Variants in CAPN13 observed in about 807,000 individuals in gnomAD.
The protein encoded by CAPN13 is calpain 13.
A neutral mutation model predicts 98.4 loss-of-function variants in CAPN13; 90 were observed. The observed-to-expected ratio is 0.92, with a 90% CI of 0.77 to 1.09. The LOEUF (loss-of-function observed/expected upper bound fraction) is 1.09. Ranked by LOEUF, CAPN13 falls within the 50% of genes least tolerant of loss-of-function variation. The pLI, the probability that CAPN13 is intolerant of heterozygous loss-of-function variation, is 0.00. For missense variants in CAPN13, 887 were observed against 841.3 expected (o/e 1.05, Z -0.67); for synonymous variants, 330 against 305.5 (o/e 1.08, Z -0.84).
At position 30,771,428 on chromosome 2, in the gene CAPN13, G is replaced by T. The variant is rs184804058; in HGVS notation, c.388-979C>A. On this transcript the variant is annotated intron_variant, in intron 4 of 22. Coordinates refer to ENST00000295055, the MANE Select transcript of CAPN13 (RefSeq NM_144575.3). ...CAGCCGAGGATGCAATTTCAGAGCA[G>T]AGATGGAGATTGAGACAGATATGTC... is the stretch of plus-strand genomic sequence containing the variant. 3.3e-5 allele frequency among the ~76,000 whole-genome samples: 5 copies of T among 152,346 alleles called. No homozygotes were observed. The East Asian group carries it at 9.6e-4, about 29-fold the overall frequency.
At chr2:30,764,454 G>A (rs1384208463) in intron 5 of CAPN13, 148 bp from the exon 6 acceptor site, 2 of 810,996 alleles carry the variant, frequency 2.5e-6, no homozygotes, top group South Asian at 3.5e-5. Context: ...CCTTTGCCTG[G>A]ATGGAGATTC....
At chr2:30,789,061 T>A (rs921350326) in intron 1 of CAPN13, among the ~76,000 whole-genome samples, 5 of 152,110 alleles carry the variant, frequency 3.3e-5, no homozygotes, top group African/African-American at 1.2e-4. Flanking sequence ...TTCAATTGAG[T>A]TCTTATAGAA....
At position 30,763,142 on chromosome 2, in the gene CAPN13, T is replaced by C. The variant is rs1262802243; in HGVS notation, c.714A>G (p.Ala238=). ...TCACCAGCCCATTCTCCATCGCCTG[T>C]GCTGTATCTGTTGGCTTCAAGGCAG... ...CATPSGPTDT[A]QAMENGLVSL... The change falls in exon 7 of 23, where the codon GCA becomes GCG. Residue 238 remains alanine (A), a synonymous_variant. Transcript: ENST00000295055. 1.2e-6 allele frequency: 2 copies of C among 1,611,272 alleles called. No individual in the cohort carries two copies. Among genetic ancestry groups the C allele is most frequent in the Admixed American group, 1.7e-5 (1 of 59,800 alleles).
chr2:30,788,454 G>C (rs1420007254), intron 1 of CAPN13, among the ~76,000 whole-genome samples: 1 of 152,172 alleles, frequency 6.6e-6, no homozygotes, highest in Non-Finnish European at 1.5e-5. Flanking sequence ...CATCTGTGAG[G>C]CTGGCCTGGA....
intron 1 of CAPN13, among the ~76,000 whole-genome samples, chr2:30,804,978 G>A (rs1317937936): frequency 6.6e-6 from 1 of 152,184 alleles, no homozygotes; most frequent in Non-Finnish European, 1.5e-5. Context: ...TGCCATCTCA[G>A]GTTCTCTTAG....
At chr2:30,755,726 G>C (rs559975686) in intron 8 of CAPN13, among the ~76,000 whole-genome samples, 2 of 152,312 alleles carry the variant, frequency 1.3e-5, no homozygotes, top group South Asian at 2.1e-4. Flanking sequence ...CAAGGCAGGG[G>C]CCACCACTCA....
At chr2:30,799,972 A>G (rs1215675911) in intron 1 of CAPN13, among the ~76,000 whole-genome samples, 2 of 151,752 alleles carry the variant, frequency 1.3e-5, no homozygotes, top group African/African-American at 2.4e-5. Context: ...TACTCGGGAG[A>G]CTGAGGCAGG....
At chr2:30,784,453 TGTACTCATTTAGTACTTA>T in intron 2 of CAPN13, among the ~76,000 whole-genome samples, 1 of 152,334 alleles carries the variant, frequency 6.6e-6, no homozygotes, top group East Asian at 1.9e-4. Context: ...TTCTAAGTAT[TGTACTCATTTAGTACTTA>T]AAGTAATCAT....
In CAPN13 at chr2:30,731,381, G is replaced by C. The variant is rs1270125438; in HGVS notation, c.1946C>G (p.Ser649Cys). 1 of 1,611,096 alleles carries C rather than the reference G, an allele frequency of 6.2e-7. No individual in the cohort carries two copies. Among genetic ancestry groups the C allele is most frequent in the Non-Finnish European group, 8.5e-7 (1 of 1,178,580 alleles). The change falls in exon 21 of 23, where the codon TCT (serine) becomes TGT (cysteine). Residue 649 changes from serine to cysteine, a missense_variant. By Grantham distance (112) the Ser-to-Cys change is moderately radical. Transcript: ENST00000295055. Reference protein sequence around the residue: ...EAMAKTFRNLSKDGKGLYLTE... With the variant: ...EAMAKTFRNLCKDGKGLYLTE... ...CAGGTAGAGTCCTTTTCCATCCTTA[G>C]AGAGGTTGCGGAAGGTCTCTAGGAT...
In CAPN13 at chr2:30,802,552, G is replaced by C. The variant is rs867097632; in HGVS notation, c.-33+4750C>G. 5.9e-3 allele frequency among the ~76,000 whole-genome samples: 880 copies of C among 149,594 alleles called. 12 individuals are homozygous for C. The highest frequency in any genetic ancestry group is 0.021 in the African/African-American group (823 of 40,138). ...CAGAGAAAGGCAGGCTGGGGGGGGG[G>C]GGTGGTGGTTAGACCTCTGAGGTTT... On this transcript the variant is annotated intron_variant, in intron 1 of 22. Coordinates refer to ENST00000295055, the MANE Select transcript of CAPN13 (RefSeq NM_144575.3).
rs113891539 is a variant in CAPN13, at chr2:30,743,521, C to T, written c.1307G>A (p.Ser436Asn). The T allele has an allele frequency of 2.5e-6, 4 of 1,613,896 alleles. No individual in the cohort carries two copies. Among genetic ancestry groups the T allele is most frequent in the Non-Finnish European group, 3.4e-6 (4 of 1,179,876 alleles). The change falls in exon 13 of 23, where the codon AGC (serine) becomes AAC (asparagine). Residue 436 changes from serine to asparagine, a missense_variant. Physicochemically the swap from Ser to Asn is conservative, Grantham distance 46 (BLOSUM62 1). Transcript: ENST00000295055. The stretch of plus-strand genomic sequence containing the variant: ...GTTGCGGCGGAATTTATTATTTGAG[C>T]TTTGGACAGTGTTTCTGAACGAGGA... ...FFSSFRNTVQ[S>N]SNNKFRRNFT...
chr2:30,781,690 A>G (rs1372360263), intron 2 of CAPN13, among the ~76,000 whole-genome samples: 1 of 152,182 alleles, frequency 6.6e-6, no homozygotes, highest in Non-Finnish European at 1.5e-5. Context: ...AGATTTAACT[A>G]CATCACTGGC....
At chr2:30,767,210 G>A (rs925791957) in intron 5 of CAPN13, among the ~76,000 whole-genome samples, 2 of 152,196 alleles carry the variant, frequency 1.3e-5, no homozygotes, top group Admixed American at 1.3e-4. Context: ...TGGGGTTTGA[G>A]GCTCACAGAC....
chr2:30,776,159 T>C, intron 3 of CAPN13, 114 bp from the exon 4 acceptor site: 1 of 499,560 alleles, frequency 2.0e-6, no homozygotes, highest in Non-Finnish European at 3.2e-6. Flanking sequence ...AATAATGCAT[T>C]TTTTTTTCCT....
At chr2:30,747,886 G>A (rs1671992851) in intron 11 of CAPN13, among the ~76,000 whole-genome samples, 1 of 152,238 alleles carries the variant, frequency 6.6e-6, no homozygotes, top group African/African-American at 2.4e-5. Context: ...GGAGCTCTTG[G>A]GTCTGAGAGT....
At chr2:30,761,985 T>G (rs1222530768) in intron 7 of CAPN13, among the ~76,000 whole-genome samples, 2 of 152,066 alleles carry the variant, frequency 1.3e-5, no homozygotes, top group African/African-American at 2.4e-5. Context: ...TGCCCTAGAG[T>G]TTGGAACTTG....
In CAPN13 at chr2:30,734,454, T is replaced by C. The variant is rs1185033113; in HGVS notation, c.1793A>G (p.Asn598Ser). The stretch of plus-strand genomic sequence containing the variant: ...CTCCAAAGTCCCCATTGTACCTGTA[T>C]TCTCTATGGCCTTCCACAAGTCCGA... ...LSSDLWKAIE[N>S]TDFLRGIFIS... Residue 598 changes from asparagine to serine, a missense_variant, in exon 19 of 23, where the codon AAT (asparagine) becomes AGT (serine). Transcript: ENST00000295055. 1.9e-6 allele frequency: 3 copies of C among 1,613,730 alleles called. No individual in the cohort carries two copies. Among genetic ancestry groups the C allele is most frequent in the Non-Finnish European group, 1.7e-6 (2 of 1,179,700 alleles).
rs76611625 is a variant in CAPN13, at chr2:30,803,735, G to C, written c.-33+3567C>G. On this transcript the variant is annotated intron_variant, in intron 1 of 22. Coordinates refer to ENST00000295055, the MANE Select transcript of CAPN13 (RefSeq NM_144575.3). ...TCTCCACTTCATAACCCTACAACAT[G>C]TATTAACAATTTGGATCTCTTTATT... Among the ~76,000 whole-genome samples the C allele has an allele frequency of 7.8e-3, 1,193 of 152,280 alleles. 23 individuals carry two copies. In the East Asian group the frequency reaches 0.091, roughly 12 times the overall value.
chr2:30,795,964 T>C (rs1674834994), intron 1 of CAPN13, among the ~76,000 whole-genome samples: 1 of 151,712 alleles, frequency 6.6e-6, no homozygotes, highest in Non-Finnish European at 1.5e-5. Flanking sequence ...CCAACATATA[T>C]ATCAAAATCT....
Sources: allele counts gnomAD v4.1 joint callset (sites outside exome capture counted in the v4.1 genomes callset), GRCh38; gene constraint gnomAD v4.1.1; transcripts MANE v1.5; gene names NCBI Gene and HGNC (gene_info 2026-07-23, HGNC 2026-07-21).